Variants in TBC1D5 observed in about 807,000 individuals in gnomAD.
The protein encoded by TBC1D5 is TBC1 domain family, member 5.
In TBC1D5, 75 loss-of-function variants were observed where a neutral mutation model predicts 100.3. That is an observed-to-expected ratio of 0.75 (90% CI 0.62 to 0.91). The LOEUF is 0.91. Ranked by LOEUF, TBC1D5 falls within the 40% of genes least tolerant of loss-of-function variation. The pLI, the probability that TBC1D5 is intolerant of heterozygous loss-of-function variation, is 0.00. For synonymous variants in TBC1D5, 323 were observed against 325.6 expected (o/e 0.99, Z 0.09); for missense variants, 910 against 942.4 (o/e 0.97, Z 0.45).
intron 19 of TBC1D5, among the ~76,000 whole-genome samples, chr3:17,173,039 C>T (rs2067322141): frequency 6.6e-6 from 1 of 152,156 alleles, no homozygotes; most frequent in African/African-American, 2.4e-5. Context: ...GTGCTGAGCA[C>T]CACACCTAAG....
intron 14 of TBC1D5, 86 bp from the exon 15 acceptor site, chr3:17,292,087 G>C: frequency 2.6e-6 from 3 of 1,143,522 alleles, no homozygotes; most frequent in Non-Finnish European, 1.2e-6. Context: ...CAACTTAAGA[G>C]TCAATGAAAG....
chr3:17,375,683 A>C (rs1382610098), intron 10 of TBC1D5, among the ~76,000 whole-genome samples: 1 of 152,164 alleles, frequency 6.6e-6, no homozygotes, highest in Non-Finnish European at 1.5e-5. Flanking sequence ...TAAAAAAAAA[A>C]CTCAGTAAAA....
At chr3:17,337,504 A>G (rs1427067321) in intron 13 of TBC1D5, 1 of 152,170 alleles carries the variant, frequency 6.6e-6, no homozygotes, top group Admixed American at 6.5e-5. Flanking sequence ...GTCTTAAGAA[A>G]CTGATGATGA....
At chr3:17,620,617 T>A (rs1471451062) in intron 2 of TBC1D5, among the ~76,000 whole-genome samples, 1 of 152,236 alleles carries the variant, frequency 6.6e-6, no homozygotes, top group Non-Finnish European at 1.5e-5. Context: ...CTCTGCGTTA[T>A]CTTTATAAAA....
At chr3:17,239,849 A>G (rs1559471740) in intron 16 of TBC1D5, among the ~76,000 whole-genome samples, 1 of 152,202 alleles carries the variant, frequency 6.6e-6, no homozygotes. Context: ...AGATTATTTT[A>G]GTTGTAAAGG....
At chr3:17,669,254 T>C (rs898992928) in intron 1 of TBC1D5, among the ~76,000 whole-genome samples, 1 of 152,188 alleles carries the variant, frequency 6.6e-6, no homozygotes, top group Non-Finnish European at 1.5e-5. Flanking sequence ...ATTGTAAGTT[T>C]CCTGAGGCCT....
At chr3:17,310,515 G>T (rs2083902283) in intron 13 of TBC1D5, among the ~76,000 whole-genome samples, 1 of 151,998 alleles carries the variant, frequency 6.6e-6, no homozygotes, top group African/African-American at 2.4e-5. Flanking sequence ...GAGAGAGAGA[G>T]ATCCAGAAAG....
intron 13 of TBC1D5, among the ~76,000 whole-genome samples, chr3:17,370,357 G>A (rs1210181434): frequency 6.6e-6 from 1 of 152,126 alleles, no homozygotes; most frequent in Non-Finnish European, 1.5e-5. Flanking sequence ...ATGTGCTTTT[G>A]TATTTGGATA....
intron 9 of TBC1D5, 97 bp from the exon 10 acceptor site, chr3:17,376,710 C>A: frequency 1.0e-6 from 1 of 956,928 alleles, no homozygotes; most frequent in East Asian, 2.8e-5. Context: ...AACCAATTCC[C>A]ACTAGCAAAA....
intron 13 of TBC1D5, among the ~76,000 whole-genome samples, chr3:17,331,166 A>T (rs1274841494): frequency 6.6e-6 from 1 of 152,144 alleles, no homozygotes; most frequent in Non-Finnish European, 1.5e-5. Context: ...CCCTGAGGAC[A>T]GAGTTTAAAC....
In TBC1D5 at chr3:17,600,508, C is replaced by T. The variant is rs550952480; in HGVS notation, c.-36+23341G>A. Among the ~76,000 whole-genome samples the T allele has an allele frequency of 1.2e-4, 18 of 152,054 alleles. No individual in the cohort carries two copies. In the East Asian group the frequency reaches 3.1e-3, roughly 26 times the overall value. ...CTTTAAAATATTTAAAGATTCCATG[C>T]AAGATTATTACTATGGTCTCATCGC... On this transcript the variant is annotated intron_variant, in intron 2 of 21. Coordinates refer to ENST00000253692, the Ensembl canonical transcript of TBC1D5.
intron 13 of TBC1D5, among the ~76,000 whole-genome samples, chr3:17,351,620 C>A (rs1229843110): frequency 1.3e-5 from 2 of 151,832 alleles, no homozygotes; most frequent in African/African-American, 4.8e-5. Flanking sequence ...AGGAGAAATA[C>A]CTAATATAGA....
intron 3 of TBC1D5, among the ~76,000 whole-genome samples, chr3:17,455,382 C>CA (rs572333255): frequency 7.2e-6 from 1 of 138,022 alleles, no homozygotes; most frequent in African/African-American, 2.7e-5. Flanking sequence ...ATGTATAAGC[C>CA]AAAAAAAGTA....
intron 14 of TBC1D5, among the ~76,000 whole-genome samples, chr3:17,293,101 C>T (rs1330724067): frequency 1.3e-5 from 2 of 152,174 alleles, no homozygotes; most frequent in African/African-American, 4.8e-5. Flanking sequence ...TTATCATCTT[C>T]ATTTTCATTG....
chr3:17,580,961 T>C (rs962026917), intron 2 of TBC1D5, among the ~76,000 whole-genome samples: 1 of 152,230 alleles, frequency 6.6e-6, no homozygotes, highest in Admixed American at 6.5e-5. Flanking sequence ...TGTTACATCT[T>C]GATATGGTTT....
chr3:17,729,585 T>C (rs1405069829), intron 1 of TBC1D5, among the ~76,000 whole-genome samples: 1 of 152,106 alleles, frequency 6.6e-6, no homozygotes, highest in Admixed American at 6.5e-5. Flanking sequence ...TACGCACCTG[T>C]AGTCCCAGCT....
intron 3 of TBC1D5, among the ~76,000 whole-genome samples, chr3:17,474,207 A>C (rs2095412261): frequency 6.6e-6 from 1 of 152,198 alleles, no homozygotes; most frequent in South Asian, 2.1e-4. Flanking sequence ...AATTTACAAA[A>C]TTAGAAACAC....
intron 3 of TBC1D5, among the ~76,000 whole-genome samples, chr3:17,504,127 G>C (rs1317824937): frequency 2.6e-4 from 1 of 3,876 alleles, no homozygotes; most frequent in Non-Finnish European, 5.2e-4. Flanking sequence ...AGATAGGAAA[G>C]AGAAAGACAG....
intron 15 of TBC1D5, among the ~76,000 whole-genome samples, chr3:17,262,732 C>T (rs942514544): frequency 1.8e-4 from 27 of 151,962 alleles, no homozygotes; most frequent in Non-Finnish European, 3.7e-4. Context: ...CCACCCATCT[C>T]GGCCTCCCAA....
Sources: gnomAD v4.1 joint callset for allele counts (sites outside exome capture counted in the v4.1 genomes callset) on GRCh38, gnomAD v4.1.1 for gene constraint, MANE v1.5 for transcripts, NCBI Gene and HGNC (gene_info 2026-07-23, HGNC 2026-07-21) for gene names.